Variants in TRAPPC8 observed in about 807,000 individuals in gnomAD.
TRAPPC8 encodes trafficking protein particle complex subunit 8, also known as general sporulation gene 1 homolog.
Under a neutral mutation model 174.3 loss-of-function variants are expected in TRAPPC8, and 54 were observed. The observed-to-expected ratio is 0.31, with a 90% CI of 0.25 to 0.39. The LOEUF is 0.39. TRAPPC8 is among the 10% of genes least tolerant of loss of function. The pLI, the probability that TRAPPC8 is intolerant of heterozygous loss-of-function variation, is 1.00. For missense variants in TRAPPC8, 1,531 were observed against 1,699.1 expected (o/e 0.90, Z 1.74); for synonymous variants, 630 against 579.9 (o/e 1.09, Z -1.24).
intron 11 of TRAPPC8, 198 bp from the exon 12 acceptor site, chr18:31,891,064 T>C: frequency 3.0e-6 from 1 of 331,670 alleles, no homozygotes; most frequent in East Asian, 6.2e-5. Context: ...TTTGAAAACA[T>C]CTTCTACCAT....
chr18:31,842,029 C>G (rs186436589), intron 26 of TRAPPC8, among the ~76,000 whole-genome samples: 18 of 152,186 alleles, frequency 1.2e-4, no homozygotes. Context: ...TACCACCACA[C>G]TCAGCTTCTT....
At chr18:31,900,552 T>C (rs955886434) in intron 10 of TRAPPC8, among the ~76,000 whole-genome samples, 1 of 152,208 alleles carries the variant, frequency 6.6e-6, no homozygotes, top group Non-Finnish European at 1.5e-5. Context: ...GAGTTCTCAC[T>C]TTTATAGGGT....
intron 20 of TRAPPC8, among the ~76,000 whole-genome samples, chr18:31,856,800 C>T (rs182220891): frequency 1.0e-3 from 149 of 148,032 alleles, no homozygotes; most frequent in African/African-American, 3.6e-3. Context: ...TATTCAAATG[C>T]TAAAATCTTT....
chr18:31,913,381 A>G lies in TRAPPC8; in HGVS notation c.759T>C (p.Ser253=). The change falls in exon 5 of 29, where the codon AGT becomes AGC. Residue 253 remains serine (S), a synonymous_variant. Transcript: ENST00000283351. ...DPWSQYLQKN[S]IQNQESYEDG... ...TTTTTACATATACCTGGTTTTGAAT[A>G]CTATTTTTCTGGAGATACTGACTCC... 1 of 1,577,044 alleles carries G rather than the reference A, an allele frequency of 6.3e-7. No individual in the cohort carries two copies. The highest frequency in any genetic ancestry group is 8.6e-7 in the Non-Finnish European group (1 of 1,169,148).
chr18:31,925,275 A>AAAAC (rs35500567), intron 2 of TRAPPC8, among the ~76,000 whole-genome samples: 48,279 of 151,418 alleles, frequency 0.32, 8,184 homozygotes, highest in South Asian at 0.57. Context: ...AAAACTTAAA[A>AAAAC]AAACAGCCAA....
intron 12 of TRAPPC8, among the ~76,000 whole-genome samples, chr18:31,888,495 A>G (rs1355424268): frequency 2.0e-5 from 3 of 152,240 alleles, no homozygotes; most frequent in African/African-American, 7.2e-5. Flanking sequence ...TCACAATAGC[A>G]GAGACATGGA....
At chr18:31,857,420 C>A in intron 20 of TRAPPC8, 120 bp downstream of exon 20, 1 of 861,480 alleles carries the variant, frequency 1.2e-6, no homozygotes, top group East Asian at 2.8e-5. Context: ...ATATAAATAT[C>A]CTGCATAATC....
intron 1 of TRAPPC8, among the ~76,000 whole-genome samples, chr18:31,933,881 T>C (rs113473994): frequency 5.3e-5 from 8 of 152,068 alleles, no homozygotes; most frequent in African/African-American, 7.2e-5. Flanking sequence ...AACATAAATA[T>C]AGATACACAA....
intron 28 of TRAPPC8, among the ~76,000 whole-genome samples, 164 bp downstream of exon 28, chr18:31,831,920 T>C (rs1314199998): frequency 1.3e-5 from 2 of 152,132 alleles, no homozygotes; most frequent in African/African-American, 2.4e-5. Context: ...AAATCTTTAA[T>C]ATTTAAAGCC....
At chr18:31,914,522 T>C (rs2037051244) in intron 4 of TRAPPC8, among the ~76,000 whole-genome samples, 1 of 152,238 alleles carries the variant, frequency 6.6e-6, no homozygotes, top group South Asian at 2.1e-4. Context: ...ATTTTTTCTA[T>C]TAATATAGTA....
At position 31,857,791 on chromosome 18, in the gene TRAPPC8, A is replaced by C. The variant is rs764982706; in HGVS notation, c.2937T>G (p.Ser979Arg). 1 of 1,614,220 alleles carries C rather than the reference A, an allele frequency of 6.2e-7. No individual in the cohort carries two copies. Among genetic ancestry groups the C allele is most frequent in the Non-Finnish European group, 8.5e-7 (1 of 1,180,036 alleles). ...CATCTGTCACAACAGTCTTGTAAGC[A>C]CTACAATTCTCAGAAGCTGAGGGAC... ...PLSPSASENCSAYKTVVTDAT... is the reference protein window; with the variant it reads ...PLSPSASENCRAYKTVVTDAT... The change falls in exon 20 of 29, where the codon AGT becomes AGG. Residue 979 changes from serine to arginine, a missense_variant. Coordinates refer to ENST00000283351, the MANE Select transcript of TRAPPC8 (RefSeq NM_014939.5).
intron 12 of TRAPPC8, among the ~76,000 whole-genome samples, chr18:31,880,090 A>AAAAATATATATATATAT (rs1259899654): frequency 2.3e-5 from 2 of 85,380 alleles, no homozygotes; most frequent in African/African-American, 5.2e-5. Flanking sequence ...TGAAAAAAAA[A>AAAAATATATATATATAT]ATATATATAT....
chr18:31,868,781 C>T (rs1336200553), intron 16 of TRAPPC8, among the ~76,000 whole-genome samples: 1 of 152,076 alleles, frequency 6.6e-6, no homozygotes, highest in East Asian at 1.9e-4. Flanking sequence ...TGGCTCACTG[C>T]AGCCTCAGGT....
Position 31,942,811 on chromosome 18 carries a change from C to A in TRAPPC8, c.-47G>T. 3.8e-6 allele frequency: 5 copies of A among 1,304,484 alleles called. No homozygotes were observed. The highest frequency in any genetic ancestry group is 3.9e-6 in the Non-Finnish European group (4 of 1,021,242). The allele number at this position is 1,304,484 out of a possible 1,614,324, so 80.8% of individuals were successfully genotyped here. The stretch of plus-strand genomic sequence containing the variant: ...GGCGCCCGCCCTCCGGCCCACCCTG[C>A]GAGGTTATCCTGCGGCTGCAGCAGC... On this transcript the variant is annotated 5_prime_UTR_variant, in exon 1 of 29. Transcript: ENST00000283351.
At chr18:31,904,455 G>C (rs1007594786) in intron 9 of TRAPPC8, among the ~76,000 whole-genome samples, 7 of 151,996 alleles carry the variant, frequency 4.6e-5, no homozygotes, top group African/African-American at 1.7e-4. Context: ...AGGCTGAGAG[G>C]GGAGAATAGC....
chr18:31,853,006 T>C, intron 22 of TRAPPC8: 1 of 251,170 alleles, frequency 4.0e-6, no homozygotes, highest in South Asian at 5.7e-5. Context: ...TCAGTATGTT[T>C]CATATGCATG....
chr18:31,873,096 C>T (rs2034964090), intron 14 of TRAPPC8, among the ~76,000 whole-genome samples: 1 of 140,540 alleles, frequency 7.1e-6, no homozygotes, highest in Admixed American at 7.5e-5. Flanking sequence ...CAGCTCACTG[C>T]AACCTCCGCC....
Position 31,919,575 on chromosome 18 carries a change from AATAAATAAATAAATAAAAT to A in TRAPPC8, c.353-1927_353-1909del, listed in dbSNP as rs1257090858. ...AAATAAATAAATAAATAAATAAATA[AATAAATAAATAAATAAAAT>A]AATAATAATCCTAACACTTTGGGAG... On this transcript the variant is annotated intron_variant, in intron 2 of 28. Transcript: ENST00000283351. Among the ~76,000 whole-genome samples the A allele has an allele frequency of 9.2e-3, 1,162 of 125,924 alleles. 22 individuals are homozygous for A. The highest frequency in any genetic ancestry group is 0.019 in the East Asian group (79 of 4,064). The allele number at this position is 125,924 out of a possible 152,430, so 82.6% of individuals were successfully genotyped here.
intron 5 of TRAPPC8, among the ~76,000 whole-genome samples, chr18:31,911,848 G>A (rs1180526595): frequency 2.0e-5 from 3 of 149,184 alleles, no homozygotes; most frequent in Non-Finnish European, 4.4e-5. Flanking sequence ...CCAAGGCCTG[G>A]GCGACAGAGC....
Sources: allele counts gnomAD v4.1 joint callset (sites outside exome capture counted in the v4.1 genomes callset), GRCh38; gene constraint gnomAD v4.1.1; transcripts MANE v1.5; gene names NCBI Gene and HGNC (gene_info 2026-07-23, HGNC 2026-07-21).